LRIF1: variants seen among roughly 807,000 people sequenced by gnomAD.
The protein encoded by LRIF1 is ligand dependent nuclear receptor interacting factor 1.
Under a neutral mutation model 52.7 loss-of-function variants are expected in LRIF1, and 32 were observed. That is an observed-to-expected ratio of 0.61 (90% CI 0.46 to 0.82). The LOEUF (loss-of-function observed/expected upper bound fraction) is 0.82, where lower values mean the gene tolerates loss of function less well. LRIF1 is among the 40% of genes least tolerant of loss of function. The pLI, the probability that LRIF1 is intolerant of heterozygous loss-of-function variation, is 0.00. For synonymous variants in LRIF1, 323 were observed against 317.4 expected (o/e 1.02, Z -0.19); for missense variants, 887 against 892.0 (o/e 0.99, Z 0.07).
chr1:110,901,474 G>A, the LRIF1 span, among the ~76,000 whole-genome samples: 1 of 99,392 alleles, frequency 1.0e-5, no homozygotes, highest in Non-Finnish European at 2.2e-5. Flanking sequence ...CCTCGCACCC[G>A]GCCTTTTTTT....
At chr1:110,887,865 G>A in the LRIF1 span, among the ~76,000 whole-genome samples, 1 of 152,178 alleles carries the variant, frequency 6.6e-6, no homozygotes, top group Non-Finnish European at 1.5e-5. Context: ...CTGAATAATA[G>A]GCCCCAAATA....
Position 110,951,979 on chromosome 1 carries a change from G to A in LRIF1, c.905C>T (p.Pro302Leu). The A allele has an allele frequency of 6.2e-7, 1 of 1,614,146 alleles. No homozygotes were observed. Among genetic ancestry groups the A allele is most frequent in the African/African-American group, 1.3e-5 (1 of 75,056 alleles). The change falls in exon 2 of 4, where the codon CCA becomes CTA. Residue 302 changes from proline (P) to leucine (L), a missense_variant. By Grantham distance (98) the Pro-to-Leu change is moderately conservative. Coordinates refer to ENST00000369763, the MANE Select transcript of LRIF1 (RefSeq NM_018372.4). Reference sequence around the variant, plus strand: ...TGAAGACTTAACAGGAACAAGAGATGGCGTAAAAGGCTGTAGATTATCTTG... The same window carrying A: ...TGAAGACTTAACAGGAACAAGAGATAGCGTAAAAGGCTGTAGATTATCTTG... ...IFQDNLQPFTPSLVPVKSSNN... is the reference protein window; with the variant it reads ...IFQDNLQPFTLSLVPVKSSNN...
chr1:110,879,829 A>G, the LRIF1 span, among the ~76,000 whole-genome samples: 1 of 152,100 alleles, frequency 6.6e-6, no homozygotes, highest in African/African-American at 2.4e-5. Flanking sequence ...CAGCTTCCCA[A>G]ATGGCTGGGA....
At chr1:110,892,465 A>G in the LRIF1 span, 1 of 1,613,932 alleles carries the variant, frequency 6.2e-7, no homozygotes, top group Non-Finnish European at 8.5e-7. Context: ...CGTGGGCTCT[A>G]TTATCATGGT....
At chr1:110,955,838 A>AAACTGGCT (rs1658675868) in intron 1 of LRIF1, among the ~76,000 whole-genome samples, 1 of 152,210 alleles carries the variant, frequency 6.6e-6, no homozygotes, top group Admixed American at 6.5e-5. Context: ...ATATGTAAAT[A>AAACTGGCT]CTCAAGTGAG....
the LRIF1 span, among the ~76,000 whole-genome samples, chr1:110,902,683 A>G: frequency 1.3e-5 from 2 of 152,144 alleles, no homozygotes; most frequent in African/African-American, 4.8e-5. Context: ...TAAAAGTTAT[A>G]ACAATGTGTT....
At chr1:110,941,096 T>A in the LRIF1 span, 1 of 152,044 alleles carries the variant, frequency 6.6e-6, no homozygotes, top group Non-Finnish European at 1.5e-5. Flanking sequence ...ATTCCATGAA[T>A]ATATACACCT....
the LRIF1 span, among the ~76,000 whole-genome samples, chr1:110,906,405 G>A: frequency 9.2e-5 from 14 of 151,880 alleles, no homozygotes; most frequent in Admixed American, 4.6e-4. Flanking sequence ...AAAGCCAAAC[G>A]TGGTGGCTCA....
downstream of LRIF1, chr1:110,944,892 T>G (rs1368739534): frequency 7.1e-6 from 1 of 141,204 alleles, no homozygotes; most frequent in Admixed American, 7.0e-5. Context: ...AGCTCAAGGT[T>G]GCTGTTTTTT....
the LRIF1 span, chr1:110,899,272 T>G: frequency 7.9e-4 from 798 of 1,016,454 alleles, 5 homozygotes; most frequent in African/African-American, 0.011. Context: ...AAGCCCTACA[T>G]GATCACTGCA....
At chr1:110,881,047 A>G in the LRIF1 span, among the ~76,000 whole-genome samples, 4 of 152,220 alleles carry the variant, frequency 2.6e-5, no homozygotes, top group Non-Finnish European at 5.9e-5. Context: ...GCTTTGCTAA[A>G]TTTTAAAGTA....
chr1:110,949,820 T>C (rs750867898), intron 3 of LRIF1, 31 bp downstream of exon 3: 9 of 1,594,042 alleles, frequency 5.6e-6, no homozygotes, highest in East Asian at 2.2e-5. Flanking sequence ...TTGTAGTACC[T>C]ATGAAGAGCA....
chr1:110,930,531 C>T, the LRIF1 span, among the ~76,000 whole-genome samples: 1 of 152,106 alleles, frequency 6.6e-6, no homozygotes, highest in Admixed American at 6.6e-5. Context: ...AGAAAATGAG[C>T]TGTCTGATGC....
At chr1:110,949,250 T>C (rs1302192060) in intron 3 of LRIF1, among the ~76,000 whole-genome samples, 1 of 151,736 alleles carries the variant, frequency 6.6e-6, no homozygotes, top group East Asian at 1.9e-4. Flanking sequence ...TCCCAAGTAG[T>C]TGGGACTACA....
chr1:110,877,770 G>A, the LRIF1 span, among the ~76,000 whole-genome samples: 1 of 152,208 alleles, frequency 6.6e-6, no homozygotes, highest in Non-Finnish European at 1.5e-5. Context: ...ATGGAGAGAT[G>A]AATGGACACG....
chr1:110,896,818 G>C, the LRIF1 span: 1 of 1,150,692 alleles, frequency 8.7e-7, no homozygotes, highest in Non-Finnish European at 1.3e-6. Flanking sequence ...AGAGGACCTA[G>C]ACCTTCTATT....
the LRIF1 span, chr1:110,896,699 C>T: frequency 6.2e-7 from 1 of 1,613,440 alleles, no homozygotes; most frequent in Non-Finnish European, 8.5e-7. Context: ...ACCAGTGGCC[C>T]ACCAGCATCT....
chr1:110,874,985 T>C, the LRIF1 span, among the ~76,000 whole-genome samples: 2 of 152,302 alleles, frequency 1.3e-5, no homozygotes, highest in African/African-American at 4.8e-5. Context: ...TTATTATGGA[T>C]GACAGTCACA....
At chr1:110,909,761 A>C in the LRIF1 span, among the ~76,000 whole-genome samples, 1 of 151,730 alleles carries the variant, frequency 6.6e-6, no homozygotes, top group Non-Finnish European at 1.5e-5. Context: ...TTGTATTTTT[A>C]ATAGTGACGG....
Sources: gnomAD v4.1 joint callset for allele counts (sites outside exome capture counted in the v4.1 genomes callset) on GRCh38, gnomAD v4.1.1 for gene constraint, MANE v1.5 for transcripts, NCBI Gene and HGNC (gene_info 2026-07-23, HGNC 2026-07-21) for gene names.